Variants in ADAMTSL1 observed in about 807,000 individuals in gnomAD.
ADAMTSL1 encodes ADAMTS-like protein 1.
ADAMTSL1 carries 126 observed loss-of-function variants against 201.8 expected under a neutral mutation model. The observed-to-expected ratio is 0.62, with a 90% CI of 0.54 to 0.72. The LOEUF is 0.72. Ranked by LOEUF, ADAMTSL1 falls within the 30% of genes least tolerant of loss-of-function variation. The probability of loss-of-function intolerance (pLI) is 0.00; values close to 1 mark genes in which losing one functional copy is unlikely to be tolerated. For synonymous variants in ADAMTSL1, 1,121 were observed against 903.4 expected, an observed-to-expected ratio of 1.24 and a Z score of -4.32; for missense variants, 2,679 against 2,277.8, an observed-to-expected ratio of 1.18 and a Z score of -3.59.
intron 2 of ADAMTSL1, among the ~76,000 whole-genome samples, chr9:18,299,643 A>G (rs1833620931): frequency 6.6e-6 from 1 of 152,176 alleles, no homozygotes; most frequent in African/African-American, 2.4e-5. Context: ...TTAGCTTGTA[A>G]TGGAATTGGC....
chr9:18,444,537 TA>T (rs1416546916), intron 2 of ADAMTSL1, among the ~76,000 whole-genome samples: 1 of 152,158 alleles, frequency 6.6e-6, no homozygotes, highest in Non-Finnish European at 1.5e-5. Context: ...TTTTAGCCTA[TA>T]AGGATAAAAA....
intron 23 of ADAMTSL1, among the ~76,000 whole-genome samples, chr9:18,884,223 G>C (rs778855396): frequency 5.3e-5 from 8 of 152,272 alleles, no homozygotes; most frequent in Middle Eastern, 6.8e-3. Flanking sequence ...TTGGAGAAAT[G>C]TCTGCTCAAG....
At chr9:18,525,582 T>C (rs1319070888) in intron 2 of ADAMTSL1, among the ~76,000 whole-genome samples, 3 of 152,222 alleles carry the variant, frequency 2.0e-5, no homozygotes, top group Non-Finnish European at 4.4e-5. Context: ...GGGCATTTAG[T>C]GCTGCAAATT....
At chr9:18,730,900 AC>A (rs1818180258) in intron 15 of ADAMTSL1, among the ~76,000 whole-genome samples, 1 of 152,210 alleles carries the variant, frequency 6.6e-6, no homozygotes. Flanking sequence ...TAAAGGAGCT[AC>A]TATGTGATTC....
chr9:18,331,363 A>G (rs982919334), intron 2 of ADAMTSL1, among the ~76,000 whole-genome samples: 1 of 152,332 alleles, frequency 6.6e-6, no homozygotes, highest in South Asian at 2.1e-4. Flanking sequence ...CTGTGTGAGT[A>G]TCATCTATCC....
chr9:17,993,383 T>C (rs989098977), intron 1 of ADAMTSL1, among the ~76,000 whole-genome samples: 2 of 152,210 alleles, frequency 1.3e-5, no homozygotes, highest in East Asian at 3.9e-4. Flanking sequence ...ATACCTCTGC[T>C]ATACTGGTGA....
intron 2 of ADAMTSL1, among the ~76,000 whole-genome samples, chr9:18,211,688 A>G (rs1225083403): frequency 1.3e-5 from 2 of 152,192 alleles, no homozygotes; most frequent in African/African-American, 4.8e-5. Context: ...CTTTTATTTT[A>G]GAAGAGAATT....
At chr9:18,717,082 T>G in intron 14 of ADAMTSL1, among the ~76,000 whole-genome samples, 4 of 134,292 alleles carry the variant, frequency 3.0e-5, no homozygotes, top group Admixed American at 1.5e-4. Flanking sequence ...CTGGGGACTG[T>G]GGTGGGGTGG....
intron 23 of ADAMTSL1, among the ~76,000 whole-genome samples, chr9:18,873,218 G>C (rs1488846447): frequency 1.3e-5 from 2 of 152,150 alleles, no homozygotes; most frequent in Admixed American, 6.5e-5. Context: ...CAGATGCATA[G>C]TTTGTGAAGA....
chr9:17,938,495 GTTC>G (rs1827104007), intron 1 of ADAMTSL1, among the ~76,000 whole-genome samples: 2 of 152,200 alleles, frequency 1.3e-5, no homozygotes, highest in Admixed American at 6.5e-5. Context: ...TGCTTAACTC[GTTC>G]TTCTTCATTG....
At chr9:18,500,560 G>A (rs1563999895) in intron 1 of ADAMTSL1, among the ~76,000 whole-genome samples, 1 of 152,046 alleles carries the variant, frequency 6.6e-6, no homozygotes, top group Non-Finnish European at 1.5e-5. Context: ...TGGCTGAACT[G>A]TTTCTAAATT....
intron 2 of ADAMTSL1, among the ~76,000 whole-genome samples, chr9:18,424,389 A>G (rs1156470440): frequency 2.0e-5 from 3 of 152,188 alleles, no homozygotes; most frequent in East Asian, 1.9e-4. Context: ...TGAATCTTAT[A>G]CAGTCCCCAT....
intron 2 of ADAMTSL1, among the ~76,000 whole-genome samples, chr9:18,243,435 C>T (rs1831142515): frequency 6.6e-6 from 1 of 152,080 alleles, no homozygotes; most frequent in South Asian, 2.1e-4. Flanking sequence ...ACCAGTGATG[C>T]CTCGAGGAAC....
chr9:18,589,652 G>A (rs1823781358), intron 4 of ADAMTSL1, among the ~76,000 whole-genome samples: 1 of 152,100 alleles, frequency 6.6e-6, no homozygotes, highest in African/African-American at 2.4e-5. Flanking sequence ...TCTCATTTCA[G>A]GTTTTAGTGG....
chr9:18,319,681 T>A (rs1329660526), intron 2 of ADAMTSL1, among the ~76,000 whole-genome samples: 2 of 152,274 alleles, frequency 1.3e-5, no homozygotes, highest in East Asian at 3.9e-4. Flanking sequence ...GAGATCCATA[T>A]CTATAGATTT....
chr9:18,224,283 C>T (rs1830365425), intron 2 of ADAMTSL1, among the ~76,000 whole-genome samples: 1 of 152,122 alleles, frequency 6.6e-6, no homozygotes, highest in Non-Finnish European at 1.5e-5. Flanking sequence ...TCTCTGCTTT[C>T]AAGATGGTGC....
At chr9:18,141,927 C>T (rs1289084439) in intron 1 of ADAMTSL1, among the ~76,000 whole-genome samples, 1 of 152,218 alleles carries the variant, frequency 6.6e-6, no homozygotes, top group East Asian at 1.9e-4. Flanking sequence ...CATCTTCTCA[C>T]TGAGACACAA....
rs1202241507 is a variant in ADAMTSL1 at position 17,957,799 on chromosome 9, T to A, written c.87+50877T>A. Among the ~76,000 whole-genome samples, 4 of 152,096 alleles carry A rather than the reference T, an allele frequency of 2.6e-5. No individual in the cohort carries two copies. The East Asian group carries it at 7.7e-4, about 29-fold the overall frequency. On this transcript the variant is annotated intron_variant, in intron 1 of 29. Coordinates refer to the ADAMTSL1 transcript ENST00000680146. ...GGCTGTGTGAAAATGGAGGTGGAGA[T>A]TGGAATGAGGTAGCTACAAGCCAAG...
chr9:17,934,822 G>A (rs941262096), intron 1 of ADAMTSL1, among the ~76,000 whole-genome samples: 12 of 149,706 alleles, frequency 8.0e-5, no homozygotes, highest in African/African-American at 1.5e-4. Context: ...TCTACTTGGC[G>A]CCCCAGACTC....
Sources: gnomAD v4.1 joint callset for allele counts (sites outside exome capture counted in the v4.1 genomes callset) on GRCh38, gnomAD v4.1.1 for gene constraint, MANE v1.5 for transcripts, NCBI Gene and HGNC (gene_info 2026-07-23, HGNC 2026-07-21) for gene names.